MARCHF1: variants seen among roughly 807,000 people sequenced by gnomAD.
The protein encoded by MARCHF1 is membrane associated ring-CH-type finger 1.
MARCHF1 carries 40 observed loss-of-function variants against 54.2 expected under a neutral mutation model. The observed-to-expected ratio is 0.74, with a 90% confidence interval of 0.57 to 0.96. MARCHF1 has a LOEUF of 0.96. Ranked by LOEUF, MARCHF1 falls within the 40% of genes least tolerant of loss-of-function variation. The pLI, the probability that MARCHF1 is intolerant of heterozygous loss-of-function variation, is 0.00. For synonymous variants in MARCHF1, 236 were observed against 236.3 expected (o/e 1.00, Z 0.01); for missense variants, 586 against 656.5 (o/e 0.89, Z 1.17).
At chr4:164,168,156 T>C (rs1375203523) in intron 1 of MARCHF1, among the ~76,000 whole-genome samples, 2 of 151,904 alleles carry the variant, frequency 1.3e-5, no homozygotes, top group Non-Finnish European at 1.5e-5. Flanking sequence ...CCAACGTGTA[T>C]ATGAAAATGA....
intron 1 of MARCHF1, among the ~76,000 whole-genome samples, chr4:164,121,764 T>C (rs1756071483): frequency 6.6e-6 from 1 of 151,958 alleles, no homozygotes; most frequent in Non-Finnish European, 1.5e-5. Flanking sequence ...CCATCAAAAA[T>C]TCAAAGAAGA....
chr4:164,302,409 A>G (rs1396079454), intron 1 of MARCHF1, among the ~76,000 whole-genome samples: 1 of 152,186 alleles, frequency 6.6e-6, no homozygotes, highest in Non-Finnish European at 1.5e-5. Context: ...TAGTAGTTTA[A>G]AAATCTTAAA....
intron 2 of MARCHF1, among the ~76,000 whole-genome samples, chr4:164,106,117 C>G (rs949034844): frequency 1.3e-5 from 2 of 151,006 alleles, no homozygotes. Flanking sequence ...CAGGAAACAA[C>G]AGGTGCTGGA....
At chr4:163,901,044 C>A (rs746535907) in intron 3 of MARCHF1, among the ~76,000 whole-genome samples, 12 of 152,110 alleles carry the variant, frequency 7.9e-5, no homozygotes, top group Non-Finnish European at 1.5e-4. Flanking sequence ...TAACTTTATG[C>A]ACATTGGTGA....
intron 1 of MARCHF1, among the ~76,000 whole-genome samples, chr4:164,277,485 T>C (rs112275464): frequency 1.3e-5 from 2 of 152,334 alleles, no homozygotes; most frequent in African/African-American, 2.4e-5. Context: ...AGCCACATTA[T>C]ACCTTTCTTC....
chr4:163,949,685 G>A (rs545230099), intron 3 of MARCHF1, among the ~76,000 whole-genome samples: 3 of 151,978 alleles, frequency 2.0e-5, no homozygotes, highest in African/African-American at 7.2e-5. Flanking sequence ...TTGTCCTGAT[G>A]AGTGCTCAGC....
At position 163,528,802 on chromosome 4, in the gene MARCHF1, A is replaced by C. The variant is rs1738238539; in HGVS notation, c.1584T>G (p.Gly528=). ...DAVVVPVPQT[G]ANSLPSAEGG... ...CCTCTGCAGATGGCAGTGAATTTGCACCTGTTTGTGGTACAGGCACTACCA... is the reference window on the plus strand; with the variant it reads ...CCTCTGCAGATGGCAGTGAATTTGCCCCTGTTTGTGGTACAGGCACTACCA... The change falls in exon 10 of 10, where the codon GGT becomes GGG. Residue 528 remains glycine, a synonymous_variant. Transcript: ENST00000514618. 4 of 1,613,052 alleles carry C rather than the reference A, an allele frequency of 2.5e-6. No homozygotes were observed. The highest frequency in any genetic ancestry group is 1.7e-5 in the Admixed American group (1 of 59,868).
intron 4 of MARCHF1, among the ~76,000 whole-genome samples, chr4:163,787,197 C>G (rs1685201404): frequency 1.3e-5 from 2 of 151,440 alleles, no homozygotes; most frequent in African/African-American, 4.8e-5. Context: ...AACATTGAAG[C>G]AAAGACAACA....
At chr4:163,961,155 TA>T (rs1169486702) in intron 3 of MARCHF1, among the ~76,000 whole-genome samples, 1 of 152,000 alleles carries the variant, frequency 6.6e-6, no homozygotes, top group Non-Finnish European at 1.5e-5. Context: ...CAAATGTTTC[TA>T]TTCATAGGCC....
intron 2 of MARCHF1, among the ~76,000 whole-genome samples, chr4:164,053,982 C>T (rs1166734368): frequency 3.3e-5 from 5 of 152,040 alleles, no homozygotes; most frequent in Non-Finnish European, 7.4e-5. Flanking sequence ...TCAGAGTGAA[C>T]AGGCAACCTA....
At chr4:163,813,843 A>G (rs984249369) in intron 4 of MARCHF1, among the ~76,000 whole-genome samples, 8 of 152,146 alleles carry the variant, frequency 5.3e-5, no homozygotes, top group Non-Finnish European at 7.4e-5. Context: ...ACATAACGTA[A>G]AAGAGTCTTG....
chr4:164,139,692 A>C (rs546650517), intron 1 of MARCHF1, among the ~76,000 whole-genome samples: 2 of 152,302 alleles, frequency 1.3e-5, no homozygotes, highest in African/African-American at 4.8e-5. Flanking sequence ...AGGAGTAGAA[A>C]ATGTCTTTAG....
intron 1 of MARCHF1, among the ~76,000 whole-genome samples, chr4:164,150,356 C>G (rs1297368166): frequency 6.6e-6 from 1 of 152,172 alleles, no homozygotes; most frequent in African/African-American, 2.4e-5. Context: ...CCACTAACCA[C>G]AGGGATTGTA....
intron 7 of MARCHF1, among the ~76,000 whole-genome samples, chr4:163,605,681 A>G (rs545088748): frequency 1.3e-5 from 2 of 152,328 alleles, no homozygotes; most frequent in East Asian, 3.9e-4. Flanking sequence ...GAGAGACTGG[A>G]TAAGGAAAAT....
At chr4:164,179,025 G>A (rs371501586) in intron 1 of MARCHF1, among the ~76,000 whole-genome samples, 7 of 152,150 alleles carry the variant, frequency 4.6e-5, no homozygotes, top group African/African-American at 9.6e-5. Context: ...CATGTGGCAC[G>A]CAGACTCTCC....
At chr4:163,824,641 G>T (rs1185753106) in intron 4 of MARCHF1, among the ~76,000 whole-genome samples, 4 of 85,714 alleles carry the variant, frequency 4.7e-5, no homozygotes, top group Non-Finnish European at 8.0e-5. Context: ...TTGACAAATG[G>T]GATCTAATTA....
rs1219051922 is a variant in MARCHF1 at position 163,526,212 on chromosome 4, T to C, written c.*2536A>G. On this transcript the variant is annotated 3_prime_UTR_variant, in exon 10 of 10. Coordinates refer to ENST00000514618, the MANE Select transcript of MARCHF1 (RefSeq NM_001394959.1). The stretch of plus-strand genomic sequence containing the variant: ...TTTGCTTTTTATTCTAGAAATGTTT[T>C]CTTAGTGTTAAAAGTGTAGCCCTTA... The C allele has an allele frequency of 2.0e-5, 3 of 152,140 alleles. No individual in the cohort carries two copies. Among genetic ancestry groups the C allele is most frequent in the Admixed American group, 6.6e-5 (1 of 15,250 alleles). The allele number at this position is 152,140 out of a possible 1,614,324, so 9.4% of individuals were successfully genotyped here.
chr4:163,776,991 T>C (rs1747326591), intron 4 of MARCHF1, among the ~76,000 whole-genome samples: 2 of 152,298 alleles, frequency 1.3e-5, no homozygotes, highest in South Asian at 4.1e-4. Context: ...TGTTTTGCTT[T>C]TTAATTCAAC....
intron 2 of MARCHF1, among the ~76,000 whole-genome samples, chr4:164,023,518 TAAATA>T (rs1553970788): frequency 2.0e-5 from 3 of 152,030 alleles, no homozygotes; most frequent in African/African-American, 4.8e-5. Context: ...AATCTATAAA[TAAATA>T]AAATAAAATA....
Sources: gnomAD v4.1 joint callset for allele counts (sites outside exome capture counted in the v4.1 genomes callset) on GRCh38, gnomAD v4.1.1 for gene constraint, MANE v1.5 for transcripts, NCBI Gene and HGNC (gene_info 2026-07-23, HGNC 2026-07-21) for gene names.